CCL19: variants seen among roughly 807,000 people sequenced by gnomAD.
The protein encoded by CCL19 is C-C motif chemokine 19.
In CCL19, 5 loss-of-function variants were observed where a neutral mutation model predicts 9.7. The ratio of observed to expected loss-of-function variants is 0.51; its 90% CI spans 0.27 to 1.08. The LOEUF is 1.08. CCL19 is among the 50% of genes least tolerant of loss of function. The pLI, the probability that CCL19 is intolerant of heterozygous loss-of-function variation, is 0.12. For synonymous variants in CCL19, 40 were observed against 47.4 expected (o/e 0.84, Z 0.64); for missense variants, 90 against 122.5 (o/e 0.73, Z 1.25).
chr9:34,691,008 C>T, intron 1 of CCL19, 83 bp downstream of exon 1: 1 of 1,237,072 alleles, frequency 8.1e-7, no homozygotes, highest in Non-Finnish European at 1.1e-6. Flanking sequence ...CCCTTACGTC[C>T]AGTGCCAAGC....
chr9:34,690,675 G>C (rs1564113083), intron 1 of CCL19, among the ~76,000 whole-genome samples: 1 of 152,152 alleles, frequency 6.6e-6, no homozygotes, highest in Non-Finnish European at 1.5e-5. Flanking sequence ...AGTTAATGCA[G>C]GTCACAGTGT....
chr9:34,691,051 C>G (rs781316108), intron 1 of CCL19, 40 bp downstream of exon 1: 23 of 1,549,824 alleles, frequency 1.5e-5, no homozygotes, highest in Admixed American at 7.5e-5. Flanking sequence ...CACTGCCAGC[C>G]CCCCACTGCC....
chr9:34,690,028 G>A lies in CCL19; in HGVS notation c.183-5C>T. 1 of 1,613,636 alleles carries A rather than the reference G, an allele frequency of 6.2e-7. No individual in the cohort carries two copies. Among genetic ancestry groups the A allele is most frequent in the East Asian group, 2.2e-5 (1 of 44,876 alleles). On this transcript the variant is annotated splice_region_variant and splice_polypyrimidine_tract_variant and intron_variant, in intron 2 of 3. Coordinates refer to ENST00000311925, the MANE Select transcript of CCL19 (RefSeq NM_006274.3). ...CGGCCCCTCAGTGTGGTGAACCTGG[G>A]GTGAGAGGCCGGAGAGAATGGAGCC...
Position 34,689,688 on chromosome 9 carries a change from G to C in CCL19, c.*131C>G. 1 of 1,039,272 alleles carries C rather than the reference G, an allele frequency of 9.6e-7. No homozygotes were observed. The highest frequency in any genetic ancestry group is 1.5e-6 in the Non-Finnish European group (1 of 679,924). 64.4% of individuals were successfully genotyped at this position (1,039,272 alleles called of 1,614,324 possible). ...CACACTCACACACACCCCAGGCCCT[G>C]TCCTGGCTGGTCAGGTCTGGTGCAG... On this transcript the variant is annotated 3_prime_UTR_variant, in exon 4 of 4. Transcript: ENST00000311925. The surrounding 1 kb of genome is among the most constrained non-coding windows in gnomAD (Gnocchi z 4.1).
Position 34,690,332 on chromosome 9 carries a change from C to G in CCL19, c.60G>C (p.Leu20=), listed in dbSNP as rs1256996120. 1.9e-6 allele frequency: 3 copies of G among 1,613,744 alleles called. No homozygotes were observed. The change falls in exon 2 of 4, where the codon CTG becomes CTC. Residue 20 remains leucine, a synonymous_variant. Coordinates refer to ENST00000311925, the MANE Select transcript of CCL19 (RefSeq NM_006274.3). ...LVLWTSPAPT[L]SGTNDAEDCC... is the part of the protein sequence containing the mutation. ...AGTCTTCAGCATCATTGGTGCCACT[C>G]AGAGTTGGGGCTGGGATGGGGAAAG...
chr9:34,689,860 A>C lies in CCL19; in HGVS notation c.277-21T>G, dbSNP rs1369708046. On this transcript the variant is annotated intron_variant, in intron 3 of 3. Coordinates refer to ENST00000311925, the MANE Select transcript of CCL19 (RefSeq NM_006274.3). The surrounding 1 kb of genome is among the most constrained non-coding windows in gnomAD (Gnocchi z 4.1). ...TTCATCTAGAGGAGGAAGGAGAGGAAGGATCATGGGCTGGAATCTTAGACA... is the reference window on the plus strand; with the variant it reads ...TTCATCTAGAGGAGGAAGGAGAGGACGGATCATGGGCTGGAATCTTAGACA... The C allele has an allele frequency of 1.8e-5, 29 of 1,614,176 alleles. No individual in the cohort carries two copies. Among genetic ancestry groups the C allele is most frequent in the Non-Finnish European group, 2.3e-5 (27 of 1,180,022 alleles).
chr9:34,690,116 G>T, intron 2 of CCL19, 93 bp from the exon 3 acceptor site: 1 of 1,587,390 alleles, frequency 6.3e-7, no homozygotes, highest in East Asian at 2.2e-5. Flanking sequence ...CCTTGAAGGG[G>T]TTGGGCTTGG....
At chr9:34,690,372 C>G (rs777064351) in intron 1 of CCL19, 30 bp from the exon 2 acceptor site, 1 of 1,609,686 alleles carries the variant, frequency 6.2e-7, no homozygotes, top group South Asian at 1.1e-5. Flanking sequence ...TGACAGGACA[C>G]AGGGACCCTT....
In CCL19 at chr9:34,689,655, C is replaced by T; in HGVS notation, c.*164G>A. On this transcript the variant is annotated 3_prime_UTR_variant, in exon 4 of 4. Transcript: ENST00000311925. This position sits in a 1 kb window ranked among gnomAD's most constrained non-coding sequence, Gnocchi z 4.1. ...TACTCTGACCACACTCACCCTCTCG[C>T]TCACACTCACACTCACACACACCCC... The T allele has an allele frequency of 1.3e-6, 1 of 749,260 alleles. No homozygotes were observed. Among genetic ancestry groups the T allele is most frequent in the Non-Finnish European group, 2.3e-6 (1 of 440,472 alleles). 46.4% of individuals were successfully genotyped at this position (749,260 alleles called of 1,614,324 possible).
At chr9:34,690,424 CTGTGTGTGTGTGTGTGTGTG>C (rs74180568) in intron 1 of CCL19, 82 bp from the exon 2 acceptor site, 7 of 608,622 alleles carry the variant, frequency 1.2e-5, no homozygotes, top group East Asian at 6.6e-5. Context: ...TTGAGGACAC[CTGTGTGTGTGTGTGTGTGTG>C]TGTGTGTGTG....
intron 2 of CCL19, 86 bp downstream of exon 2, chr9:34,690,124 T>A (rs1244476868): frequency 1.3e-6 from 2 of 1,590,378 alleles, no homozygotes; most frequent in Admixed American, 1.7e-5. Context: ...GGGTTGGGCT[T>A]GGCATGGAGA....
At chr9:34,690,748 A>C (rs1435348467) in intron 1 of CCL19, among the ~76,000 whole-genome samples, 1 of 151,954 alleles carries the variant, frequency 6.6e-6, no homozygotes, top group Non-Finnish European at 1.5e-5. Flanking sequence ...AAATTTTTGA[A>C]TATCAGCCTT....
chr9:34,690,115 G>T (rs375552834), intron 2 of CCL19, 92 bp from the exon 3 acceptor site: 13 of 1,582,676 alleles, frequency 8.2e-6, no homozygotes, highest in East Asian at 6.7e-5. Flanking sequence ...TCCTTGAAGG[G>T]GTTGGGCTTG....
At chr9:34,690,187 T>C (rs1416173206) in intron 2 of CCL19, 23 bp downstream of exon 2, 1 of 1,613,760 alleles carries the variant, frequency 6.2e-7, no homozygotes, top group East Asian at 2.2e-5. Context: ...GAGATGAGGC[T>C]AGACACCCTC....
chr9:34,690,957 C>G, intron 1 of CCL19, 134 bp downstream of exon 1: 1 of 740,968 alleles, frequency 1.3e-6, no homozygotes, highest in East Asian at 2.8e-5. Flanking sequence ...CCAGGCTCAC[C>G]GAAATATACA....
Position 34,690,717 on chromosome 9 carries a change from T to G in CCL19, c.49+374A>C, listed in dbSNP as rs558434869. Among the ~76,000 whole-genome samples, 29 of 152,162 alleles carry G rather than the reference T, an allele frequency of 1.9e-4. No homozygotes were observed. In the East Asian group the frequency reaches 5.4e-3, roughly 28 times the overall value. ...GGCGTGGGGTAGGGTAGGCTGGTGT[T>G]AGGAGCCTTATTAATTGCTAAAATT... On this transcript the variant is annotated intron_variant, in intron 1 of 3. Coordinates refer to ENST00000311925, the MANE Select transcript of CCL19 (RefSeq NM_006274.3).
Position 34,691,200 on chromosome 9 carries a change from C to T in CCL19, c.-61G>A, listed in dbSNP as rs1182767040. The stretch of plus-strand genomic sequence containing the variant: ...TGAGCGCCAGCTGTCTGGGTGTGTG[C>T]AGGATCTGTGTGAGGCTGCAGGGCG... On this transcript the variant is annotated 5_prime_UTR_variant, in exon 1 of 4. Transcript: ENST00000311925. 4 of 1,529,384 alleles carry T rather than the reference C, an allele frequency of 2.6e-6. No individual in the cohort carries two copies. The highest frequency in any genetic ancestry group is 3.6e-6 in the Non-Finnish European group (4 of 1,109,396). The allele number at this position is 1,529,384 out of a possible 1,614,324, so 94.7% of individuals were successfully genotyped here. A position where few individuals can be genotyped will look rare whatever the true frequency, so the allele number is the denominator to read the frequency against.
chr9:34,689,627 C>G lies in CCL19; in HGVS notation c.*192G>C. On this transcript the variant is annotated 3_prime_UTR_variant, in exon 4 of 4. Transcript: ENST00000311925. This position sits in a 1 kb window ranked among gnomAD's most constrained non-coding sequence, Gnocchi z 4.1. ...GCATTGCAATCTGGGGGTGGAGCAG[C>G]TTTACTCTGACCACACTCACCCTCT... 1 of 641,880 alleles carries G rather than the reference C, an allele frequency of 1.6e-6. No individual in the cohort carries two copies. The highest frequency in any genetic ancestry group is 2.7e-6 in the Non-Finnish European group (1 of 365,170). 39.8% of individuals were successfully genotyped at this position (641,880 alleles called of 1,614,324 possible).
chr9:34,690,639 C>T (rs3176815), intron 1 of CCL19, among the ~76,000 whole-genome samples: 6,760 of 152,174 alleles, frequency 0.044, 227 homozygotes, highest in South Asian at 0.067. Context: ...CCCAACCTCT[C>T]TCCCAGGACA....
Sources: gnomAD v4.1 joint callset for allele counts (sites outside exome capture counted in the v4.1 genomes callset) on GRCh38, gnomAD v4.1.1 for gene constraint, Gnocchi (gnomAD v3.1) non-coding constraint, MANE v1.5 for transcripts, NCBI Gene and HGNC (gene_info 2026-07-23, HGNC 2026-07-21) for gene names.